The following BSND variants were observed in gnomAD, a reference collection of about 807,000 sequenced individuals.
The protein encoded by BSND is barttin.
Under a neutral mutation model 18.8 loss-of-function variants are expected in BSND, and 13 were observed. That is an observed-to-expected ratio of 0.69 (90% CI 0.45 to 1.10). The LOEUF (loss-of-function observed/expected upper bound fraction) is 1.10. BSND is among the 50% of genes least tolerant of loss of function. The probability of loss-of-function intolerance (pLI) is 0.00; values close to 1 mark genes in which losing one functional copy is unlikely to be tolerated. For missense variants in BSND, 379 were observed against 416.7 expected, an observed-to-expected ratio of 0.91 and a Z score of 0.79; for synonymous variants, 170 against 161.8, an observed-to-expected ratio of 1.05 and a Z score of -0.39.
rs1323654226 is a variant in BSND at position 55,008,973 on chromosome 1, G to T, written c.*345G>T. ...CTCTGGGCCCCTGATCCTTTGTGAA[G>T]GCCAGTCAGGTTTCCCATTCCTATT... On this transcript the variant is annotated 3_prime_UTR_variant, in exon 4 of 4. Coordinates refer to ENST00000651561, the MANE Select transcript of BSND (RefSeq NM_057176.3). 2.0e-5 allele frequency: 8 copies of T among 392,906 alleles called. No individual in the cohort carries two copies. The highest frequency in any genetic ancestry group is 3.8e-5 in the Non-Finnish European group (8 of 208,178). The allele number at this position is 392,906 out of a possible 1,614,324, so 24.3% of individuals were successfully genotyped here.
chr1:54,999,221 T>C lies in BSND; in HGVS notation c.35T>C (p.Ile12Thr), dbSNP rs121908144. The change falls in exon 1 of 4, where the codon ATT (isoleucine) becomes ACT (threonine). Residue 12 changes from isoleucine (I) to threonine (T), a missense_variant. Ile to Thr is a moderately conservative substitution (Grantham distance 89). Coordinates refer to ENST00000651561, the MANE Select transcript of BSND (RefSeq NM_057176.3). Reference sequence around the variant, plus strand: ...GAGAAGACCTTCCGGATCGGCTTCATTGTGCTGGGGCTTTTCCTGCTGGCC... The same window carrying C: ...GAGAAGACCTTCCGGATCGGCTTCACTGTGCTGGGGCTTTTCCTGCTGGCC... ...ADEKTFRIGF[I>T]VLGLFLLALG... The C allele has an allele frequency of 1.1e-5, 17 of 1,614,126 alleles. No individual in the cohort carries two copies. The South Asian group carries it at 1.8e-4, about 17-fold the overall frequency.
rs17111454 is a variant in BSND, at chr1:55,011,149, T to G, written c.*2521T>G. On this transcript the variant is annotated 3_prime_UTR_variant, in exon 4 of 4. Transcript: ENST00000651561. ...CCTGCCAGCAGGAAGATGGTAACCCTGTTCTAGAGTTAGCATCTGCAGGGG... is the reference window on the plus strand; with the variant it reads ...CCTGCCAGCAGGAAGATGGTAACCCGGTTCTAGAGTTAGCATCTGCAGGGG... 1 of 152,238 alleles carries G rather than the reference T, an allele frequency of 6.6e-6. No homozygotes were observed. The highest frequency in any genetic ancestry group is 2.4e-5 in the African/African-American group (1 of 41,470). The allele number at this position is 152,238 out of a possible 1,614,324, so 9.4% of individuals were successfully genotyped here. A position where few individuals can be genotyped will look rare whatever the true frequency, so the allele number is the denominator to read the frequency against.
intron 1 of BSND, among the ~76,000 whole-genome samples, chr1:55,003,160 A>G (rs1251488142): frequency 7.1e-6 from 1 of 140,652 alleles, no homozygotes; most frequent in Non-Finnish European, 1.6e-5. Context: ...ACTAGCTGGG[A>G]AGTACAAAGC....
rs1180929407 is a variant in BSND, at chr1:55,017,023, C to A, written c.*8395C>A. ...TTATTACCATCATAATTTTACATTTCTTTGTGAATTTCTTTGATGAATTTC... is the reference window on the plus strand; with the variant it reads ...TTATTACCATCATAATTTTACATTTATTTGTGAATTTCTTTGATGAATTTC... On this transcript the variant is annotated 3_prime_UTR_variant, in exon 4 of 4. Coordinates refer to ENST00000651561, the MANE Select transcript of BSND (RefSeq NM_057176.3). Among the ~76,000 whole-genome samples, 1 of 152,186 alleles carries A rather than the reference C, an allele frequency of 6.6e-6. No homozygotes were observed. Among genetic ancestry groups the A allele is most frequent in the Non-Finnish European group, 1.5e-5 (1 of 68,028 alleles).
At chr1:54,999,417 G>C in intron 1 of BSND, 54 bp downstream of exon 1, 1 of 1,558,810 alleles carries the variant, frequency 6.4e-7, no homozygotes, top group Non-Finnish European at 8.7e-7. Flanking sequence ...AGGAGGGCTG[G>C]ACACTGTGCC....
At position 55,009,354 on chromosome 1, in the gene BSND, C is replaced by T. The variant is rs1644410036; in HGVS notation, c.*726C>T. The T allele has an allele frequency of 6.5e-6, 1 of 153,324 alleles. No individual in the cohort carries two copies. The allele number at this position is 153,324 out of a possible 1,614,324, so 9.5% of individuals were successfully genotyped here. On this transcript the variant is annotated 3_prime_UTR_variant, in exon 4 of 4. Coordinates refer to ENST00000651561, the MANE Select transcript of BSND (RefSeq NM_057176.3). ...CTCCTGGAACCAGGTGGTCTTGCCT[C>T]TCTGCGCTGCCTTTGGGACCTGTAT...
Position 55,009,039 on chromosome 1 carries a change from T to A in BSND, c.*411T>A, listed in dbSNP as rs915981450. 6.8e-6 allele frequency: 2 copies of A among 294,368 alleles called. No homozygotes were observed. Among genetic ancestry groups the A allele is most frequent in the African/African-American group, 4.4e-5 (2 of 45,254 alleles). The allele number at this position is 294,368 out of a possible 1,614,324, so 18.2% of individuals were successfully genotyped here. On this transcript the variant is annotated 3_prime_UTR_variant, in exon 4 of 4. Coordinates refer to ENST00000651561, the MANE Select transcript of BSND (RefSeq NM_057176.3). Reference sequence around the variant, plus strand: ...CTTGGTAGATGGCGTGATCCGTCTTTACACAGAGGGAGCCTCATCTCCTCC... The same window carrying A: ...CTTGGTAGATGGCGTGATCCGTCTTAACACAGAGGGAGCCTCATCTCCTCC...
At position 55,014,312 on chromosome 1, in the gene BSND, G is replaced by C. The variant is rs1644438385; in HGVS notation, c.*5684G>C. On this transcript the variant is annotated 3_prime_UTR_variant, in exon 4 of 4. Coordinates refer to ENST00000651561, the MANE Select transcript of BSND (RefSeq NM_057176.3). ...TAAACAGCGCTGGGTTTGAGACTAG[G>C]CTTCCCTACTGGCCAGCTCTGTGAC... 6.6e-6 allele frequency among the ~76,000 whole-genome samples: 1 copy of C among 152,218 alleles called. No individual in the cohort carries two copies. Among genetic ancestry groups the C allele is most frequent in the Non-Finnish European group, 1.5e-5 (1 of 68,044 alleles).
rs760759154 is a variant in BSND at position 55,006,992 on chromosome 1, T to A, written c.273-5T>A. On this transcript the variant is annotated splice_region_variant and splice_polypyrimidine_tract_variant and intron_variant, in intron 2 of 3. Coordinates refer to ENST00000651561, the MANE Select transcript of BSND (RefSeq NM_057176.3). ...GCCGCCTGCCTGTTCTCTCTCCCAC[T>A]CCAGCCCCAGTCCCCAGCCGCCCTA... 6.2e-7 allele frequency: 1 copy of A among 1,613,876 alleles called. No homozygotes were observed. The highest frequency in any genetic ancestry group is 1.1e-5 in the South Asian group (1 of 91,058).
intron 1 of BSND, among the ~76,000 whole-genome samples, chr1:55,004,442 C>T (rs1644379349): frequency 6.6e-6 from 1 of 152,218 alleles, no homozygotes. Context: ...AGGCACAGCT[C>T]CTCTCCCTCA....
At position 55,016,151 on chromosome 1, in the gene BSND, G is replaced by A. The variant is rs1407354979; in HGVS notation, c.*7523G>A. 6.6e-6 allele frequency among the ~76,000 whole-genome samples: 1 copy of A among 152,208 alleles called. No individual in the cohort carries two copies. Among genetic ancestry groups the A allele is most frequent in the Non-Finnish European group, 1.5e-5 (1 of 68,044 alleles). ...ACAGTTTCCATGGAAGGAGGGCTTT[G>A]CAGTGCTGAGAGCTGCCCAAAGAAT... On this transcript the variant is annotated 3_prime_UTR_variant, in exon 4 of 4. Coordinates refer to ENST00000651561, the MANE Select transcript of BSND (RefSeq NM_057176.3).
chr1:55,012,779 A>G lies in BSND; in HGVS notation c.*4151A>G, dbSNP rs1259668602. ...GAGCCAACAGCAAGTGCAGGGACTA[A>G]GGTGTATAAAATGCCTCCTGTGGGG... On this transcript the variant is annotated 3_prime_UTR_variant, in exon 4 of 4. Transcript: ENST00000651561. Among the ~76,000 whole-genome samples, 1 of 152,178 alleles carries G rather than the reference A, an allele frequency of 6.6e-6. No homozygotes were observed. Among genetic ancestry groups the G allele is most frequent in the Non-Finnish European group, 1.5e-5 (1 of 68,030 alleles).
intron 1 of BSND, among the ~76,000 whole-genome samples, chr1:55,004,131 C>T (rs200904613): frequency 2.6e-5 from 4 of 152,306 alleles, no homozygotes; most frequent in East Asian, 3.9e-4. Flanking sequence ...ATAATGTCCT[C>T]GAGGTTCAGT....
intron 2 of BSND, among the ~76,000 whole-genome samples, chr1:55,005,656 CAGT>C (rs1271664112): frequency 1.3e-5 from 2 of 152,244 alleles, no homozygotes; most frequent in African/African-American, 4.8e-5. Flanking sequence ...ACCTGACACA[CAGT>C]AGGTCTTCTA....
rs1464195767 is a variant in BSND at position 55,015,611 on chromosome 1, T to C, written c.*6983T>C. Among the ~76,000 whole-genome samples the C allele has an allele frequency of 6.6e-6, 1 of 152,198 alleles. No individual in the cohort carries two copies. The highest frequency in any genetic ancestry group is 1.5e-5 in the Non-Finnish European group (1 of 68,030). ...CCTGGGGGTAAGGAGGGCTAGATTT[T>C]ATCTAGTCATGTGTTCATTCATTTG... On this transcript the variant is annotated 3_prime_UTR_variant, in exon 4 of 4. Coordinates refer to ENST00000651561, the MANE Select transcript of BSND (RefSeq NM_057176.3).
At chr1:55,004,002 C>T (rs1379662564) in intron 1 of BSND, among the ~76,000 whole-genome samples, 1 of 152,176 alleles carries the variant, frequency 6.6e-6, no homozygotes, top group African/African-American at 2.4e-5. Context: ...ATCACAATTC[C>T]CCATTATCCC....
In BSND at chr1:55,016,587, T is replaced by TTGA. The variant is rs1644452590; in HGVS notation, c.*7961_*7962insATG. Among the ~76,000 whole-genome samples the TTGA allele has an allele frequency of 8.7e-6, 1 of 114,844 alleles. No individual in the cohort carries two copies. The highest frequency in any genetic ancestry group is 2.2e-4 in the East Asian group (1 of 4,546). The allele number at this position is 114,844 out of a possible 152,430, so 75.3% of individuals were successfully genotyped here. On this transcript the variant is annotated 3_prime_UTR_variant, in exon 4 of 4. Coordinates refer to ENST00000651561, the MANE Select transcript of BSND (RefSeq NM_057176.3). ...TAGGACTTGCTCATTTATTCTAGTT[T>TTGA]TGTTGTTGTTGTTGTTGTTTGTTTG...
Position 55,012,581 on chromosome 1 carries a change from C to T in BSND, c.*3953C>T, listed in dbSNP as rs1198970506. ...CCTCAGGCACATTTAGGTGCTTAGA[C>T]AGTGGTGGTCTTCTTCCCTCTCTGG... On this transcript the variant is annotated 3_prime_UTR_variant, in exon 4 of 4. Coordinates refer to ENST00000651561, the MANE Select transcript of BSND (RefSeq NM_057176.3). Among the ~76,000 whole-genome samples, 2 of 152,176 alleles carry T rather than the reference C, an allele frequency of 1.3e-5. No individual in the cohort carries two copies. The highest frequency in any genetic ancestry group is 2.1e-4 in the South Asian group (1 of 4,832).
Position 55,015,815 on chromosome 1 carries a change from C to T in BSND, c.*7187C>T, listed in dbSNP as rs906464188. 1.3e-5 allele frequency among the ~76,000 whole-genome samples: 2 copies of T among 152,130 alleles called. No homozygotes were observed. The highest frequency in any genetic ancestry group is 2.9e-5 in the Non-Finnish European group (2 of 68,012). On this transcript the variant is annotated 3_prime_UTR_variant, in exon 4 of 4. Coordinates refer to ENST00000651561, the MANE Select transcript of BSND (RefSeq NM_057176.3). ...GGTCAGTGCTGAGCAGAGGGAAGCA[C>T]GGCGGGGATCTGACCCCACCTGGAG... is the stretch of plus-strand genomic sequence containing the variant.
Sources: allele counts gnomAD v4.1 joint callset (sites outside exome capture counted in the v4.1 genomes callset), GRCh38; gene constraint gnomAD v4.1.1; transcripts MANE v1.5; gene names NCBI Gene and HGNC (gene_info 2026-07-23, HGNC 2026-07-21).